Variants in GRIK2 observed in about 807,000 individuals in gnomAD.
The protein encoded by GRIK2 is glutamate ionotropic receptor kainate type subunit 2.
GRIK2 carries 32 observed loss-of-function variants against 100.3 expected under a neutral mutation model. That is an observed-to-expected ratio of 0.32 (90% confidence interval 0.24 to 0.43). The LOEUF (loss-of-function observed/expected upper bound fraction) is 0.43, where lower values mean the gene tolerates loss of function less well. Ranked by LOEUF, GRIK2 falls within the 20% of genes least tolerant of loss-of-function variation. GRIK2 has a pLI of 1.00. For missense variants in GRIK2, 843 were observed against 1,114.9 expected (o/e 0.76, Z 3.47); for synonymous variants, 417 against 389.4 (o/e 1.07, Z -0.83).
At chr6:102,015,719 C>A (rs1189410571) in intron 14 of GRIK2, among the ~76,000 whole-genome samples, 2 of 152,220 alleles carry the variant, frequency 1.3e-5, no homozygotes, top group African/African-American at 4.8e-5. Context: ...CACTGCCCTG[C>A]AAAGTGCTTT....
chr6:101,788,176 A>C (rs1277722901), intron 7 of GRIK2, among the ~76,000 whole-genome samples: 1 of 151,508 alleles, frequency 6.6e-6, no homozygotes, highest in Non-Finnish European at 1.5e-5. Context: ...CTTTCTGTCT[A>C]TATGTGTCTT....
At chr6:102,040,879 T>A (rs1046452641) in intron 15 of GRIK2, among the ~76,000 whole-genome samples, 3 of 151,690 alleles carry the variant, frequency 2.0e-5, no homozygotes, top group African/African-American at 7.2e-5. Context: ...AAATTATTCA[T>A]CTTTCTGCAG....
chr6:101,712,675 A>G (rs1773799470), intron 7 of GRIK2, among the ~76,000 whole-genome samples: 1 of 151,834 alleles, frequency 6.6e-6, no homozygotes, highest in Non-Finnish European at 1.5e-5. Context: ...AAGATATCAG[A>G]GCTGAATTTC....
intron 7 of GRIK2, among the ~76,000 whole-genome samples, chr6:101,783,348 A>G (rs146812600): frequency 6.6e-6 from 1 of 152,064 alleles, no homozygotes; most frequent in African/African-American, 2.4e-5. Flanking sequence ...ACCATGTAAG[A>G]CATATCTTGC....
At chr6:102,019,223 G>T (rs1013913909) in intron 14 of GRIK2, among the ~76,000 whole-genome samples, 1 of 151,992 alleles carries the variant, frequency 6.6e-6, no homozygotes, top group Non-Finnish European at 1.5e-5. Flanking sequence ...CATCTGGTTT[G>T]ATACCTTCTT....
At chr6:101,879,745 A>G (rs759433316) in intron 11 of GRIK2, among the ~76,000 whole-genome samples, 2 of 151,774 alleles carry the variant, frequency 1.3e-5, no homozygotes, top group Non-Finnish European at 1.5e-5. Flanking sequence ...TAGCATGAAA[A>G]TAAGTAGCCC....
At position 101,775,551 on chromosome 6, in the gene GRIK2, G is replaced by T. The variant is rs112471848; in HGVS notation, c.952-24097G>T. Among the ~76,000 whole-genome samples the T allele has an allele frequency of 8.1e-3, 1,218 of 150,494 alleles. 17 individuals are homozygous for T. Among genetic ancestry groups the T allele is most frequent in the African/African-American group, 0.027 (1,103 of 41,046 alleles). ...TATATATGTATATATATGTGTGTGAGATATATATATACACACACACACATT... is the reference window on the plus strand; with the variant it reads ...TATATATGTATATATATGTGTGTGATATATATATATACACACACACACATT... On this transcript the variant is annotated intron_variant, in intron 7 of 16. Transcript: ENST00000369134.
chr6:101,447,431 A>G (rs1770440546), intron 2 of GRIK2, among the ~76,000 whole-genome samples: 1 of 151,720 alleles, frequency 6.6e-6, no homozygotes, highest in South Asian at 2.1e-4. Context: ...TGCTTTCTTC[A>G]TATATTTAGA....
chr6:101,890,976 C>CATATATATAT (rs61125711), intron 12 of GRIK2, among the ~76,000 whole-genome samples: 53 of 146,810 alleles, frequency 3.6e-4, no homozygotes, highest in South Asian at 2.0e-3. Flanking sequence ...ATAAAGTGTA[C>CATATATATAT]ATATATATAT....
At chr6:101,899,217 A>G (rs766318936) in intron 12 of GRIK2, among the ~76,000 whole-genome samples, 3 of 151,588 alleles carry the variant, frequency 2.0e-5, no homozygotes, top group Non-Finnish European at 4.4e-5. Context: ...TATAATTAGT[A>G]AAACAAATGA....
intron 14 of GRIK2, among the ~76,000 whole-genome samples, 155 bp from the exon 15 acceptor site, chr6:102,035,186 T>A (rs1262444521): frequency 2.7e-5 from 3 of 113,108 alleles, no homozygotes; most frequent in Admixed American, 9.7e-5. Flanking sequence ...AGATTCAGAC[T>A]TTTTTGGTAT....
intron 2 of GRIK2, among the ~76,000 whole-genome samples, chr6:101,507,260 C>G (rs527706720): frequency 6.6e-6 from 1 of 152,010 alleles, no homozygotes; most frequent in African/African-American, 2.4e-5. Context: ...ATTTAGAGCA[C>G]TTGATTTTAA....
chr6:101,600,469 T>C (rs976557786), intron 2 of GRIK2, among the ~76,000 whole-genome samples: 5 of 151,938 alleles, frequency 3.3e-5, no homozygotes, highest in Non-Finnish European at 5.9e-5. Context: ...GGAATAGCAC[T>C]GAATCTGTAA....
At chr6:101,589,011 T>C (rs1778518673) in intron 2 of GRIK2, among the ~76,000 whole-genome samples, 2 of 152,150 alleles carry the variant, frequency 1.3e-5, no homozygotes, top group Non-Finnish European at 1.5e-5. Context: ...AGAATTAATA[T>C]AATGATTATG....
chr6:101,673,757 A>C (rs1770610636), intron 4 of GRIK2, among the ~76,000 whole-genome samples: 1 of 152,052 alleles, frequency 6.6e-6, no homozygotes, highest in Admixed American at 6.6e-5. Context: ...CCAAAATATT[A>C]TTTGCCAGTC....
intron 2 of GRIK2, among the ~76,000 whole-genome samples, chr6:101,457,859 G>T (rs1039915233): frequency 6.6e-6 from 1 of 151,890 alleles, no homozygotes; most frequent in African/African-American, 2.4e-5. Context: ...TGAAAGCAAA[G>T]GTAAGGATCA....
intron 2 of GRIK2, among the ~76,000 whole-genome samples, chr6:101,452,140 G>A (rs1770733757): frequency 6.6e-6 from 1 of 151,724 alleles, no homozygotes; most frequent in South Asian, 2.1e-4. Flanking sequence ...AACATACATA[G>A]AAGCAGAGCA....
intron 15 of GRIK2, among the ~76,000 whole-genome samples, chr6:102,051,547 A>T (rs1771196371): frequency 6.6e-6 from 1 of 152,292 alleles, no homozygotes; most frequent in African/African-American, 2.4e-5. Context: ...TGAATTTTTT[A>T]AAATAATTTA....
intron 4 of GRIK2, among the ~76,000 whole-genome samples, chr6:101,645,274 T>A (rs957371708): frequency 2.0e-5 from 3 of 151,942 alleles, no homozygotes; most frequent in African/African-American, 7.2e-5. Context: ...ATTCATCATG[T>A]CAATTATTTA....
Sources: allele counts gnomAD v4.1 joint callset (sites outside exome capture counted in the v4.1 genomes callset), GRCh38; gene constraint gnomAD v4.1.1; transcripts MANE v1.5; gene names NCBI Gene and HGNC (gene_info 2026-07-23, HGNC 2026-07-21).